Variants in ITGB3BP observed in about 807,000 individuals in gnomAD.
The protein encoded by ITGB3BP is integrin subunit beta 3 binding protein.
A neutral mutation model predicts 29.1 loss-of-function variants in ITGB3BP; 27 were observed. The ratio of observed to expected loss-of-function variants is 0.93; its 90% CI spans 0.68 to 1.28. The LOEUF is 1.28. ITGB3BP is among the 50% of genes most tolerant of loss of function. The pLI is 0.00. For missense variants in ITGB3BP, 192 were observed against 200.2 expected (o/e 0.96, Z 0.25); for synonymous variants, 61 against 61.4 (o/e 0.99, Z 0.03).
intron 2 of ITGB3BP, among the ~76,000 whole-genome samples, chr1:63,493,651 C>T (rs1270704397): frequency 6.6e-6 from 1 of 152,068 alleles, no homozygotes; most frequent in Non-Finnish European, 1.5e-5. Flanking sequence ...AATCAATGTT[C>T]TCTCAATAAT....
intron 2 of ITGB3BP, among the ~76,000 whole-genome samples, chr1:63,490,807 T>C (rs1272089352): frequency 6.6e-6 from 1 of 152,232 alleles, no homozygotes; most frequent in Non-Finnish European, 1.5e-5. Context: ...GGCATACCTC[T>C]TATTTCAGGT....
intron 2 of ITGB3BP, among the ~76,000 whole-genome samples, chr1:63,502,914 T>C (rs994915905): frequency 3.5e-4 from 54 of 152,296 alleles, no homozygotes; most frequent in Admixed American, 5.2e-4. Flanking sequence ...AGTCTATCGT[T>C]GTTGGACATT....
intron 4 of ITGB3BP, among the ~76,000 whole-genome samples, chr1:63,476,119 T>C (rs1309840084): frequency 6.6e-6 from 1 of 151,820 alleles, no homozygotes. Flanking sequence ...ACTACAGCCC[T>C]GAACTCTTGG....
At chr1:63,473,860 C>T (rs1439561056) in intron 4 of ITGB3BP, among the ~76,000 whole-genome samples, 10 of 49,388 alleles carry the variant, frequency 2.0e-4, no homozygotes, top group Admixed American at 3.7e-4. Context: ...TCTGCCCGGC[C>T]GCCCCTACTG....
upstream of ITGB3BP, chr1:63,523,373 G>C: frequency 1.7e-6 from 1 of 592,084 alleles, no homozygotes; most frequent in Non-Finnish European, 3.0e-6. Context: ...TGGTGTAACA[G>C]AGCACCTTCT....
intron 4 of ITGB3BP, among the ~76,000 whole-genome samples, chr1:63,471,110 G>A (rs1645188212): frequency 6.6e-6 from 1 of 152,040 alleles, no homozygotes; most frequent in Non-Finnish European, 1.5e-5. Context: ...TTTTCTATTG[G>A]ATTGTCTTGC....
At chr1:63,501,683 CA>C (rs1645933687) in intron 2 of ITGB3BP, among the ~76,000 whole-genome samples, 1 of 150,916 alleles carries the variant, frequency 6.6e-6, no homozygotes, top group African/African-American at 2.4e-5. Context: ...GACAACATGG[CA>C]AAACTAAAAA....
chr1:63,497,031 ATG>A (rs34974358), intron 2 of ITGB3BP, among the ~76,000 whole-genome samples: 3 of 151,712 alleles, frequency 2.0e-5, no homozygotes, highest in Admixed American at 6.6e-5. Context: ...GCACATTAAG[ATG>A]TGTGTGTGTG....
intron 4 of ITGB3BP, among the ~76,000 whole-genome samples, chr1:63,471,104 C>T (rs548577589): frequency 1.8e-3 from 267 of 152,218 alleles, no homozygotes; most frequent in Non-Finnish European, 3.0e-3. Context: ...GCCCATTTTT[C>T]TATTGGATTG....
intron 4 of ITGB3BP, among the ~76,000 whole-genome samples, chr1:63,455,182 T>A (rs1644915579): frequency 6.6e-6 from 1 of 152,146 alleles, no homozygotes; most frequent in Non-Finnish European, 1.5e-5. Flanking sequence ...GCTGTTCCTT[T>A]CTCCACAATG....
intron 8 of ITGB3BP, among the ~76,000 whole-genome samples, chr1:63,443,789 A>C (rs1644756984): frequency 2.6e-5 from 4 of 151,372 alleles, no homozygotes. Context: ...TGTGGGGACA[A>C]AGAGAGAGAG....
chr1:63,497,301 A>T (rs766877366), intron 2 of ITGB3BP, among the ~76,000 whole-genome samples: 1 of 152,066 alleles, frequency 6.6e-6, no homozygotes, highest in South Asian at 2.1e-4. Context: ...TGAGATCCCT[A>T]TTCTAAAAAA....
At chr1:63,502,185 AG>A (rs1257810688) in intron 2 of ITGB3BP, among the ~76,000 whole-genome samples, 4 of 152,144 alleles carry the variant, frequency 2.6e-5, no homozygotes, top group Admixed American at 6.5e-5. Context: ...AAATCTACCT[AG>A]GAACAATGCT....
intron 4 of ITGB3BP, among the ~76,000 whole-genome samples, chr1:63,469,761 T>C (rs1405313628): frequency 6.6e-6 from 1 of 152,246 alleles, no homozygotes; most frequent in Non-Finnish European, 1.5e-5. Flanking sequence ...TCATATAACA[T>C]GTCTGAAAAA....
At chr1:63,523,044 A>T in intron 1 of ITGB3BP, 85 bp downstream of exon 1, 1 of 1,532,302 alleles carries the variant, frequency 6.5e-7, no homozygotes, top group East Asian at 2.2e-5. Flanking sequence ...AAATAGGAAA[A>T]CGAGAAAGGC....
intron 3 of ITGB3BP, among the ~76,000 whole-genome samples, chr1:63,488,116 A>G (rs1645567327): frequency 6.6e-6 from 1 of 152,228 alleles, no homozygotes; most frequent in Non-Finnish European, 1.5e-5. Context: ...ATAACTACAA[A>G]TGGATTTAAA....
At chr1:63,467,565 C>T (rs1434063636) in intron 4 of ITGB3BP, among the ~76,000 whole-genome samples, 1 of 152,016 alleles carries the variant, frequency 6.6e-6, no homozygotes, top group African/African-American at 2.4e-5. Flanking sequence ...GAGATGGAGT[C>T]TCGCTATGTT....
At chr1:63,527,640 T>C (rs953439962), upstream of ITGB3BP, among the ~76,000 whole-genome samples, 1 of 152,186 alleles carries the variant, frequency 6.6e-6, no homozygotes, top group Non-Finnish European at 1.5e-5. Context: ...TCAAACTTAA[T>C]CATTAGATCC....
rs543796652 is a variant in ITGB3BP, at chr1:63,440,994, G to A, written c.*111C>T. ...TAGACATGCACCTGCCAACTGCTACGAGCTGGTATTTACTGGGCAGATTAA... is the reference window on the plus strand; with the variant it reads ...TAGACATGCACCTGCCAACTGCTACAAGCTGGTATTTACTGGGCAGATTAA... On this transcript the variant is annotated 3_prime_UTR_variant, in exon 9 of 9. Transcript: ENST00000271002. 3.9e-5 allele frequency: 6 copies of A among 152,718 alleles called. No homozygotes were observed. The highest frequency in any genetic ancestry group is 7.3e-5 in the Non-Finnish European group (5 of 68,034). The allele number at this position is 152,718 out of a possible 1,614,324, so 9.5% of individuals were successfully genotyped here.
Sources: allele counts gnomAD v4.1 joint callset (sites outside exome capture counted in the v4.1 genomes callset), GRCh38; gene constraint gnomAD v4.1.1; transcripts MANE v1.5; gene names NCBI Gene and HGNC (gene_info 2026-07-23, HGNC 2026-07-21).